Variants in VTI1A observed in about 807,000 individuals in gnomAD.
VTI1A encodes the protein vesicle transport through interaction with t-SNAREs 1A, also known as vesicle transport through interaction with t-SNAREs homolog 1A.
A neutral mutation model predicts 34.9 loss-of-function variants in VTI1A; 22 were observed. The observed-to-expected ratio is 0.63, with a 90% CI of 0.45 to 0.90. The LOEUF (loss-of-function observed/expected upper bound fraction) is 0.90, where lower values mean the gene tolerates loss of function less well. VTI1A is among the 40% of genes least tolerant of loss of function. VTI1A has a pLI of 0.00. For missense variants in VTI1A, 268 were observed against 275.6 expected, an observed-to-expected ratio of 0.97 and a Z score of 0.20; for synonymous variants, 87 against 97.3, an observed-to-expected ratio of 0.89 and a Z score of 0.62.
intron 7 of VTI1A, among the ~76,000 whole-genome samples, chr10:112,790,703 A>G (rs1304144105): frequency 6.6e-6 from 1 of 151,542 alleles, no homozygotes; most frequent in African/African-American, 2.4e-5. Context: ...CCAGTTTTCT[A>G]TGAATAAGCA....
intron 3 of VTI1A, among the ~76,000 whole-genome samples, chr10:112,487,200 T>C (rs1453165692): frequency 6.6e-6 from 1 of 152,186 alleles, no homozygotes; most frequent in Non-Finnish European, 1.5e-5. Flanking sequence ...CTTGCCTCAC[T>C]GCAGCCTCCA....
At chr10:112,458,726 G>A (rs1847630684) in intron 1 of VTI1A, among the ~76,000 whole-genome samples, 1 of 151,536 alleles carries the variant, frequency 6.6e-6, no homozygotes. Context: ...GAACGCAATG[G>A]TGCGATCTCG....
At chr10:112,525,609 G>T (rs1322824966) in intron 3 of VTI1A, among the ~76,000 whole-genome samples, 1 of 152,052 alleles carries the variant, frequency 6.6e-6, no homozygotes, top group African/African-American at 2.4e-5. Context: ...CTTTTCAACT[G>T]GGTTCTGCCA....
At chr10:112,601,629 C>T (rs1049653725) in intron 5 of VTI1A, among the ~76,000 whole-genome samples, 1 of 152,056 alleles carries the variant, frequency 6.6e-6, no homozygotes, top group Non-Finnish European at 1.5e-5. Flanking sequence ...GCATGACTGG[C>T]CAGTAAAACC....
intron 7 of VTI1A, among the ~76,000 whole-genome samples, chr10:112,812,152 G>A (rs1853341016): frequency 6.6e-6 from 1 of 152,240 alleles, no homozygotes; most frequent in South Asian, 2.1e-4. Flanking sequence ...GCATGCAAAT[G>A]CACAAGTTTT....
intron 5 of VTI1A, among the ~76,000 whole-genome samples, chr10:112,626,555 A>G (rs1845930819): frequency 6.6e-6 from 1 of 152,128 alleles, no homozygotes; most frequent in East Asian, 1.9e-4. Flanking sequence ...AGTGCTTAGT[A>G]AAATAACTCC....
the VTI1A span, among the ~76,000 whole-genome samples, chr10:112,830,840 TATATA>T: frequency 3.1e-4 from 16 of 51,208 alleles, 1 homozygote; most frequent in African/African-American, 1.1e-3. Context: ...TATATATATA[TATATA>T]TATATTTTTT....
At chr10:112,819,805 T>C (rs1853618634), downstream of VTI1A, among the ~76,000 whole-genome samples, 2 of 152,194 alleles carry the variant, frequency 1.3e-5, no homozygotes, top group Non-Finnish European at 2.9e-5. Flanking sequence ...CTGCTCAGCC[T>C]GTTTGTTTGA....
chr10:112,500,305 C>T (rs970222658), intron 3 of VTI1A, among the ~76,000 whole-genome samples: 1 of 151,784 alleles, frequency 6.6e-6, no homozygotes, highest in Non-Finnish European at 1.5e-5. Context: ...TGTGGAGGCT[C>T]GCGCCTGAAG....
intron 7 of VTI1A, among the ~76,000 whole-genome samples, chr10:112,696,664 T>G (rs2133890568): frequency 1.3e-5 from 2 of 152,326 alleles, no homozygotes; most frequent in Middle Eastern, 6.8e-3. Flanking sequence ...TCTGTTTTCT[T>G]TGTTTTCTTA....
At position 112,506,735 on chromosome 10, in the gene VTI1A, G is replaced by A. The variant is rs1379603245; in HGVS notation, c.265-20352G>A. ...TTCTTGCAAATCTCATTTCCATTGA[G>A]TGTCATTCCTCTTCAGTTAAAGAAC... On this transcript the variant is annotated intron_variant, in intron 3 of 7. Transcript: ENST00000393077. 1.3e-5 allele frequency among the ~76,000 whole-genome samples: 2 copies of A among 152,094 alleles called. 1 individual carries two copies. Among genetic ancestry groups the A allele is most frequent in the Non-Finnish European group, 2.9e-5 (2 of 68,014 alleles).
At chr10:112,716,616 C>G (rs981105505) in intron 7 of VTI1A, among the ~76,000 whole-genome samples, 1 of 152,008 alleles carries the variant, frequency 6.6e-6, no homozygotes, top group African/African-American at 2.4e-5. Context: ...TGCCCAGGAG[C>G]TACAGATTGA....
At chr10:112,463,289 G>A (rs1847789717) in intron 2 of VTI1A, among the ~76,000 whole-genome samples, 2 of 152,286 alleles carry the variant, frequency 1.3e-5, no homozygotes, top group African/African-American at 4.8e-5. Context: ...AGTGCTTGCT[G>A]TATCTTCTTC....
At chr10:112,569,712 G>T (rs1852046749) in intron 5 of VTI1A, among the ~76,000 whole-genome samples, 1 of 152,162 alleles carries the variant, frequency 6.6e-6, no homozygotes, top group Non-Finnish European at 1.5e-5. Flanking sequence ...GTAAAAACTT[G>T]CATCAGTAGT....
At chr10:112,522,670 C>T (rs1424066091) in intron 3 of VTI1A, among the ~76,000 whole-genome samples, 3 of 152,054 alleles carry the variant, frequency 2.0e-5, no homozygotes, top group South Asian at 2.1e-4. Flanking sequence ...AAACTCAAGT[C>T]GAATGCCTTT....
At chr10:112,522,380 G>A (rs1850057555) in intron 3 of VTI1A, among the ~76,000 whole-genome samples, 1 of 151,976 alleles carries the variant, frequency 6.6e-6, no homozygotes. Context: ...AGTAGGACAA[G>A]CTGTTCTTTC....
intron 5 of VTI1A, among the ~76,000 whole-genome samples, chr10:112,627,060 A>C (rs1845948457): frequency 6.6e-6 from 1 of 152,238 alleles, no homozygotes; most frequent in South Asian, 2.1e-4. Context: ...TCCTCATTAA[A>C]TATATGTTGA....
chr10:112,807,236 C>T (rs2134082138), intron 7 of VTI1A, among the ~76,000 whole-genome samples: 1 of 152,308 alleles, frequency 6.6e-6, no homozygotes. Context: ...ATATGCTGGT[C>T]TGGATCCGAG....
intron 5 of VTI1A, among the ~76,000 whole-genome samples, chr10:112,634,794 C>T (rs1404187821): frequency 6.6e-6 from 1 of 152,058 alleles, no homozygotes; most frequent in Non-Finnish European, 1.5e-5. Context: ...ATATATCTGC[C>T]ATGTTCTAAA....
Sources: allele counts gnomAD v4.1 joint callset (sites outside exome capture counted in the v4.1 genomes callset), GRCh38; gene constraint gnomAD v4.1.1; transcripts MANE v1.5; gene names NCBI Gene and HGNC (gene_info 2026-07-23, HGNC 2026-07-21).